Variants in RORA observed in about 807,000 individuals in gnomAD.
RORA encodes the protein RAR related orphan receptor A.
A neutral mutation model predicts 69.5 loss-of-function variants in RORA; 7 were observed. The observed-to-expected ratio is 0.10, with a 90% CI of 0.06 to 0.19. RORA has a LOEUF of 0.19. RORA is among the 10% of genes least tolerant of loss of function. The pLI is 1.00. For synonymous variants in RORA, 261 were observed against 240.8 expected (o/e 1.08, Z -0.78); for missense variants, 457 against 663.0 (o/e 0.69, Z 3.41).
chr15:60,929,653 T>G (rs890885412), intron 1 of RORA, among the ~76,000 whole-genome samples: 3 of 152,058 alleles, frequency 2.0e-5, no homozygotes, highest in African/African-American at 7.2e-5. Flanking sequence ...TACAGTGGAG[T>G]AGAAAGTGCT....
chr15:60,631,492 G>T (rs901758976), intron 2 of RORA, among the ~76,000 whole-genome samples: 1 of 152,176 alleles, frequency 6.6e-6, no homozygotes, highest in African/African-American at 2.4e-5. Flanking sequence ...CAGAAAATAG[G>T]TGTCAACTTT....
chr15:61,135,147 A>C (rs1158131380), intron 1 of RORA, among the ~76,000 whole-genome samples: 1 of 103,490 alleles, frequency 9.7e-6, no homozygotes, highest in Non-Finnish European at 1.9e-5. Flanking sequence ...ATCTCTTACT[A>C]AAAAAAAAAA....
intron 1 of RORA, among the ~76,000 whole-genome samples, chr15:60,727,364 C>T (rs947065067): frequency 2.6e-5 from 4 of 152,108 alleles, no homozygotes; most frequent in African/African-American, 9.7e-5. Context: ...GAACAGACCC[C>T]TGCTTAGATT....
At chr15:60,748,315 A>G (rs2071676982) in intron 1 of RORA, among the ~76,000 whole-genome samples, 1 of 84,852 alleles carries the variant, frequency 1.2e-5, no homozygotes, top group South Asian at 4.9e-4. Context: ...TAGCGAAAAA[A>G]AAAAAAAAAA....
At chr15:60,930,414 C>T (rs758383350) in intron 1 of RORA, among the ~76,000 whole-genome samples, 3 of 152,128 alleles carry the variant, frequency 2.0e-5, no homozygotes, top group South Asian at 2.1e-4. Flanking sequence ...CCATGTGGGA[C>T]GGTGGGAGGC....
At chr15:60,696,099 G>A (rs1206935408) in intron 1 of RORA, among the ~76,000 whole-genome samples, 1 of 152,212 alleles carries the variant, frequency 6.6e-6, no homozygotes, top group East Asian at 1.9e-4. Context: ...CACAATGACA[G>A]TAAAATCCTG....
At chr15:61,101,854 G>T (rs2078884941) in intron 1 of RORA, among the ~76,000 whole-genome samples, 1 of 152,088 alleles carries the variant, frequency 6.6e-6, no homozygotes, top group Non-Finnish European at 1.5e-5. Context: ...ACAGCAGACA[G>T]GTTTGCTATG....
chr15:60,559,225 C>T (rs1287373733), intron 2 of RORA, among the ~76,000 whole-genome samples: 1 of 152,090 alleles, frequency 6.6e-6, no homozygotes, highest in Non-Finnish European at 1.5e-5. Context: ...TGAAGGCCTT[C>T]TAAGATTTAT....
chr15:60,604,008 C>T (rs774474835), intron 2 of RORA, among the ~76,000 whole-genome samples: 11 of 151,616 alleles, frequency 7.3e-5, no homozygotes, highest in African/African-American at 1.2e-4. Flanking sequence ...CATGGTGGTG[C>T]GTGCCTGTAA....
intron 1 of RORA, among the ~76,000 whole-genome samples, chr15:60,833,242 G>A (rs2073071539): frequency 6.6e-6 from 1 of 150,644 alleles, no homozygotes; most frequent in Non-Finnish European, 1.5e-5. Flanking sequence ...TTAAGACGGA[G>A]TCTCACTCTG....
chr15:61,165,451 T>C (rs1163715039), intron 1 of RORA, among the ~76,000 whole-genome samples: 1 of 152,256 alleles, frequency 6.6e-6, no homozygotes, highest in African/African-American at 2.4e-5. Flanking sequence ...CCTCTTTTGA[T>C]CCAGTGTCTT....
In RORA at chr15:61,048,028, G is replaced by A. The variant is rs993646142; in HGVS notation, c.166+181025C>T. ...AAGTAAGCATTTAGATATGGCTTTGGAAAAGAAAACACACACCTAAAAGAG... is the reference window on the plus strand; with the variant it reads ...AAGTAAGCATTTAGATATGGCTTTGAAAAAGAAAACACACACCTAAAAGAG... On this transcript the variant is annotated intron_variant, in intron 1 of 10. Coordinates refer to ENST00000335670, the MANE Select transcript of RORA (RefSeq NM_134261.3). 4.6e-5 allele frequency among the ~76,000 whole-genome samples: 7 copies of A among 152,172 alleles called. 1 individual carries two copies. Among genetic ancestry groups the A allele is most frequent in the African/African-American group, 1.7e-4 (7 of 41,434 alleles).
chr15:60,761,628 G>A (rs1352346117), intron 1 of RORA, among the ~76,000 whole-genome samples: 5 of 152,092 alleles, frequency 3.3e-5, no homozygotes, highest in African/African-American at 1.2e-4. Context: ...CTCTCCTATG[G>A]TGTGCCTGAG....
chr15:60,899,445 G>A (rs2140465956), intron 1 of RORA, among the ~76,000 whole-genome samples: 1 of 152,320 alleles, frequency 6.6e-6, no homozygotes, highest in African/African-American at 2.4e-5. Flanking sequence ...AGGAAAAAGG[G>A]GAAATCCAGT....
intron 1 of RORA, among the ~76,000 whole-genome samples, chr15:61,165,374 T>C (rs1022470036): frequency 8.5e-5 from 13 of 152,310 alleles, no homozygotes; most frequent in African/African-American, 2.6e-4. Flanking sequence ...CCCCTCTTTA[T>C]TTCCAGAGCA....
intron 1 of RORA, among the ~76,000 whole-genome samples, chr15:61,187,532 C>T (rs981182261): frequency 2.6e-5 from 4 of 152,138 alleles, no homozygotes; most frequent in African/African-American, 9.7e-5. Flanking sequence ...GAAGTGGGCC[C>T]GTGTTATTCA....
At chr15:61,190,831 A>G (rs2079791486) in intron 1 of RORA, among the ~76,000 whole-genome samples, 1 of 151,996 alleles carries the variant, frequency 6.6e-6, no homozygotes, top group African/African-American at 2.4e-5. Context: ...GCTTGCATGT[A>G]TGTGTGTGTG....
intron 1 of RORA, among the ~76,000 whole-genome samples, chr15:60,825,183 G>A (rs1235446376): frequency 1.3e-5 from 2 of 152,184 alleles, no homozygotes; most frequent in Non-Finnish European, 2.9e-5. Flanking sequence ...CTGTTACCGA[G>A]CAGAACCAGA....
intron 1 of RORA, among the ~76,000 whole-genome samples, chr15:61,222,326 G>A (rs2080105452): frequency 1.3e-5 from 2 of 152,192 alleles, no homozygotes; most frequent in South Asian, 4.1e-4. Flanking sequence ...AAGACAGTCT[G>A]TAATAATGAC....
Sources: gnomAD v4.1 joint callset for allele counts (sites outside exome capture counted in the v4.1 genomes callset) on GRCh38, gnomAD v4.1.1 for gene constraint, MANE v1.5 for transcripts, NCBI Gene and HGNC (gene_info 2026-07-23, HGNC 2026-07-21) for gene names.